Variants in TRAF5 observed in about 807,000 individuals in gnomAD.
The protein encoded by TRAF5 is TNF receptor-associated factor 5.
TRAF5 carries 48 observed loss-of-function variants against 64.5 expected under a neutral mutation model. That is an observed-to-expected ratio of 0.74 (90% CI 0.59 to 0.95). TRAF5 has a LOEUF of 0.95. Ranked by LOEUF, TRAF5 falls within the 40% of genes least tolerant of loss-of-function variation. The pLI is 0.00. For synonymous variants in TRAF5, 206 were observed against 240.5 expected, an observed-to-expected ratio of 0.86 and a Z score of 1.33; for missense variants, 545 against 662.8, an observed-to-expected ratio of 0.82 and a Z score of 1.95.
chr1:211,354,521 C>T (rs1027428141), intron 3 of TRAF5, 54 bp downstream of exon 3: 6 of 1,569,170 alleles, frequency 3.8e-6, no homozygotes, highest in Non-Finnish European at 5.3e-6. Context: ...GAGAAGAAGT[C>T]AGTGAATTGG....
In TRAF5 at chr1:211,372,642, TA is replaced by T. The variant is rs1703577874; in HGVS notation, c.1617del (p.Asp540MetfsTer6). On this transcript the variant is annotated frameshift_variant, in exon 11 of 11. Coordinates refer to ENST00000261464, the MANE Select transcript of TRAF5 (RefSeq NM_001033910.3). LOFTEE classifies it high-confidence loss of function. ...VLENAKNAYI[K>X]DDTLFLKVAV... Reference sequence around the variant, plus strand: ...TGGAGAATGCCAAGAACGCCTACATTAAAGATGACACTCTGTTCTTGAAAGT... The same window carrying T: ...TGGAGAATGCCAAGAACGCCTACATTAAGATGACACTCTGTTCTTGAAAGT... 1.2e-6 allele frequency: 2 copies of T among 1,614,056 alleles called. No homozygotes were observed. The highest frequency in any genetic ancestry group is 1.7e-6 in the Non-Finnish European group (2 of 1,180,036).
chr1:211,326,836 A>T lies in TRAF5; in HGVS notation c.-55A>T, dbSNP rs1558127651. 19 of 984,514 alleles carry T rather than the reference A, an allele frequency of 1.9e-5. No individual in the cohort carries two copies. Among genetic ancestry groups the T allele is most frequent in the Admixed American group, 1.2e-4 (2 of 16,084 alleles). 61.0% of individuals were successfully genotyped at this position (984,514 alleles called of 1,614,324 possible). A position where few individuals can be genotyped will look rare whatever the true frequency, so the allele number is the denominator to read the frequency against. ...GCCGCCGCCGCCGGCCGCAGCCAGG[A>T]GCAGCAGCCGCGCCTGCAGACCGGC... On this transcript the variant is annotated 5_prime_UTR_variant, in exon 1 of 11. Transcript: ENST00000261464. This position sits in a 1 kb window ranked among gnomAD's most constrained non-coding sequence, Gnocchi z 5.0.
At chr1:211,341,608 G>A (rs1558133806) in intron 1 of TRAF5, among the ~76,000 whole-genome samples, 2 of 152,174 alleles carry the variant, frequency 1.3e-5, no homozygotes, top group Admixed American at 6.5e-5. Context: ...GTCTGTGGGT[G>A]CCACCTGGAA....
chr1:211,326,813 C>A, upstream of TRAF5: 1 of 984,092 alleles, frequency 1.0e-6, no homozygotes, highest in Non-Finnish European at 1.2e-6. This position sits in a 1 kb window ranked among gnomAD's most constrained non-coding sequence, Gnocchi z 5.0. Context: ...TCCGCTTCGC[C>A]GCCGCCGCCG....
chr1:211,363,325 A>G (rs1211040985), intron 7 of TRAF5, among the ~76,000 whole-genome samples: 2 of 152,228 alleles, frequency 1.3e-5, no homozygotes, highest in Admixed American at 1.3e-4. Flanking sequence ...CTGTAAGTCT[A>G]TCATTAAAAC....
At chr1:211,345,815 C>T (rs1287757648) in intron 1 of TRAF5, among the ~76,000 whole-genome samples, 2 of 152,192 alleles carry the variant, frequency 1.3e-5, no homozygotes, top group African/African-American at 2.4e-5. Context: ...AGATGCTGCC[C>T]AGCACCCAGG....
intron 1 of TRAF5, among the ~76,000 whole-genome samples, chr1:211,352,856 TC>T (rs1439902657): frequency 6.6e-6 from 1 of 152,144 alleles, no homozygotes; most frequent in East Asian, 1.9e-4. Flanking sequence ...GTGTTTCCAT[TC>T]TCTCATTGAG....
At chr1:211,345,119 G>A (rs1020653886) in intron 1 of TRAF5, among the ~76,000 whole-genome samples, 1 of 152,136 alleles carries the variant, frequency 6.6e-6, no homozygotes, top group Non-Finnish European at 1.5e-5. Context: ...ATTTCTCCAT[G>A]TTGGTCAGGC....
At position 211,326,871 on chromosome 1, in the gene TRAF5, C is replaced by T; in HGVS notation, c.-20C>T. The T allele has an allele frequency of 1.0e-6, 1 of 985,080 alleles. No individual in the cohort carries two copies. Among genetic ancestry groups the T allele is most frequent in the Non-Finnish European group, 1.2e-6 (1 of 829,554 alleles). The allele number at this position is 985,080 out of a possible 1,614,324, so 61.0% of individuals were successfully genotyped here. ...GCGCCTGCAGACCGGCCTCGCGGAGCCCGCGCGCCGAGCCCCACGTGAGTC... is the reference window on the plus strand; with the variant it reads ...GCGCCTGCAGACCGGCCTCGCGGAGTCCGCGCGCCGAGCCCCACGTGAGTC... On this transcript the variant is annotated 5_prime_UTR_variant, in exon 1 of 11. Coordinates refer to ENST00000261464, the MANE Select transcript of TRAF5 (RefSeq NM_001033910.3). The surrounding 1 kb of genome is among the most constrained non-coding windows in gnomAD (Gnocchi z 5.0).
Position 211,371,359 on chromosome 1 carries a change from T to C in TRAF5, c.988T>C (p.Leu330=). 1 of 1,611,210 alleles carries C rather than the reference T, an allele frequency of 6.2e-7. No homozygotes were observed. Among genetic ancestry groups the C allele is most frequent in the Non-Finnish European group, 8.5e-7 (1 of 1,179,602 alleles). ...GCTAGAAGCTCAAGTGCATCAATTA[T>C]TACAAATGGTTAACCAGCAACAAAA... The part of the protein sequence containing the change: ...AWLEAQVHQL[L]QMVNQQQNKF... The change falls in exon 10 of 11, where the codon TTA becomes CTA. Residue 330 remains leucine, a synonymous_variant. Coordinates refer to ENST00000261464, the MANE Select transcript of TRAF5 (RefSeq NM_001033910.3).
rs754882722 is a variant in TRAF5 at position 211,361,080 on chromosome 1, T to C, written c.622-8T>C. On this transcript the variant is annotated splice_region_variant and splice_polypyrimidine_tract_variant and intron_variant, in intron 6 of 10. Transcript: ENST00000261464. ...AATTTCTATAGCTTGTGACTATCCA[T>C]TTCGTAGGTAGATGAACACCTGGCT... is the stretch of plus-strand genomic sequence containing the variant. The C allele has an allele frequency of 2.6e-5, 42 of 1,613,858 alleles. No individual in the cohort carries two copies. The Middle Eastern group carries it at 8.3e-4, about 32-fold the overall frequency.
intron 1 of TRAF5, among the ~76,000 whole-genome samples, chr1:211,327,700 CCTT>C (rs1457689760): frequency 6.6e-6 from 1 of 152,220 alleles, no homozygotes. Flanking sequence ...CATTCGGCCT[CCTT>C]CTGCTAAGTT....
chr1:211,366,425 G>T (rs918236889), intron 8 of TRAF5, among the ~76,000 whole-genome samples: 2 of 152,194 alleles, frequency 1.3e-5, no homozygotes, highest in Non-Finnish European at 2.9e-5. Flanking sequence ...AATGTTTGCT[G>T]CTAGGGACAC....
chr1:211,363,053 CAAG>C (rs1703237381), intron 7 of TRAF5, among the ~76,000 whole-genome samples: 1 of 152,082 alleles, frequency 6.6e-6, no homozygotes, highest in Non-Finnish European at 1.5e-5. Context: ...TACATTATAA[CAAG>C]AAATATACTT....
Position 211,361,135 on chromosome 1 carries a change from T to G in TRAF5, c.669T>G (p.Pro223=). ...AVCPEAEQDC[P]FKHYGCAVTD... Reference sequence around the variant, plus strand: ...GTCCTGAAGCTGAGCAAGACTGTCCTTTTAAGCACTATGGCTGTGCTGTAA... The same window carrying G: ...GTCCTGAAGCTGAGCAAGACTGTCCGTTTAAGCACTATGGCTGTGCTGTAA... Residue 223 remains proline, a synonymous_variant, in exon 7 of 11, where the codon CCT becomes CCG. Coordinates refer to ENST00000261464, the MANE Select transcript of TRAF5 (RefSeq NM_001033910.3). The G allele has an allele frequency of 6.2e-7, 1 of 1,614,216 alleles. No homozygotes were observed. The highest frequency in any genetic ancestry group is 8.5e-7 in the Non-Finnish European group (1 of 1,180,024).
intron 1 of TRAF5, among the ~76,000 whole-genome samples, chr1:211,346,631 A>G (rs1702614184): frequency 6.6e-6 from 1 of 152,196 alleles, no homozygotes; most frequent in African/African-American, 2.4e-5. Flanking sequence ...GGATGTTGGC[A>G]GGGGTATGGA....
chr1:211,367,556 G>T (rs1045725193), intron 8 of TRAF5, among the ~76,000 whole-genome samples: 19 of 152,250 alleles, frequency 1.2e-4, no homozygotes, highest in African/African-American at 4.3e-4. Flanking sequence ...CCAAGTCCAT[G>T]TCAGTGGACT....
chr1:211,353,564 A>G, intron 2 of TRAF5, 107 bp downstream of exon 2: 1 of 1,128,996 alleles, frequency 8.9e-7, no homozygotes. Flanking sequence ...TTACTTGGCC[A>G]CAGAACCATG....
intron 1 of TRAF5, among the ~76,000 whole-genome samples, chr1:211,329,421 C>T (rs1702102383): frequency 6.6e-6 from 1 of 152,190 alleles, no homozygotes; most frequent in Non-Finnish European, 1.5e-5. Context: ...ATCTGATTAA[C>T]TTCTCACTAC....
Sources: allele counts gnomAD v4.1 joint callset (sites outside exome capture counted in the v4.1 genomes callset), GRCh38; gene constraint gnomAD v4.1.1; non-coding constraint Gnocchi (gnomAD v3.1); transcripts MANE v1.5; gene names NCBI Gene and HGNC (gene_info 2026-07-23, HGNC 2026-07-21).